Variants in GLI3 observed in about 807,000 individuals in gnomAD.
GLI3 encodes the protein transcription activator GLI3.
A neutral mutation model predicts 100.8 loss-of-function variants in GLI3; 20 were observed. That is an observed-to-expected ratio of 0.20 (90% CI 0.14 to 0.29). The LOEUF (loss-of-function observed/expected upper bound fraction) is 0.29. Ranked by LOEUF, GLI3 falls within the 10% of genes least tolerant of loss-of-function variation. The pLI, the probability that GLI3 is intolerant of heterozygous loss-of-function variation, is 1.00. For missense variants in GLI3, 2,040 were observed against 2,128.5 expected (o/e 0.96, Z 0.82); for synonymous variants, 938 against 860.5 (o/e 1.09, Z -1.58).
chr7:42,239,934 C>T (rs1788907087), upstream of GLI3, among the ~76,000 whole-genome samples: 1 of 152,150 alleles, frequency 6.6e-6, no homozygotes, highest in African/African-American at 2.4e-5. Flanking sequence ...AACACCAGAA[C>T]GCTTTCCAAA....
At chr7:42,189,154 C>A (rs1045191334) in intron 2 of GLI3, among the ~76,000 whole-genome samples, 1 of 152,038 alleles carries the variant, frequency 6.6e-6, no homozygotes, top group Admixed American at 6.5e-5. Flanking sequence ...GGACCCAGTA[C>A]CACTCTAAAA....
chr7:42,256,241 G>C (rs1789083596), intron 1 of GLI3, among the ~76,000 whole-genome samples: 1 of 151,474 alleles, frequency 6.6e-6, no homozygotes, highest in Non-Finnish European at 1.5e-5. Flanking sequence ...CTCCCAGTTT[G>C]CCTTGTCTTT....
rs368253718 is a variant in GLI3, at chr7:42,203,765, G to A, written c.124+19365C>T. On this transcript the variant is annotated intron_variant, in intron 2 of 14. Transcript: ENST00000395925. ...TGTAATCCCAGCAGTTTGGGAGGCC[G>A]AGACAGGCAGATCATTTGAGACCAG... 1.7e-4 allele frequency among the ~76,000 whole-genome samples: 26 copies of A among 152,200 alleles called. No individual in the cohort carries two copies. In the South Asian group the frequency reaches 3.7e-3, roughly 22 times the overall value.
intron 3 of GLI3, among the ~76,000 whole-genome samples, chr7:42,094,550 A>C (rs1392864658): frequency 6.6e-6 from 1 of 152,028 alleles, no homozygotes; most frequent in Non-Finnish European, 1.5e-5. Flanking sequence ...AGCCTGGCCA[A>C]CATGTCGAAA....
At chr7:42,090,916 A>G (rs1044038612) in intron 3 of GLI3, among the ~76,000 whole-genome samples, 1 of 152,240 alleles carries the variant, frequency 6.6e-6, no homozygotes, top group Non-Finnish European at 1.5e-5. Flanking sequence ...AAATAGGGAT[A>G]GAGAAGGTAA....
chr7:42,103,521 A>G (rs886231991), intron 3 of GLI3, among the ~76,000 whole-genome samples: 5 of 152,200 alleles, frequency 3.3e-5, no homozygotes, highest in Non-Finnish European at 7.3e-5. Flanking sequence ...CAAGTTCTGA[A>G]AGCAGCTCAC....
chr7:42,076,823 A>C lies in GLI3; in HGVS notation c.402T>G (p.Pro134=). 6.2e-7 allele frequency: 1 copy of C among 1,613,294 alleles called. No homozygotes were observed. The highest frequency in any genetic ancestry group is 1.3e-5 in the African/African-American group (1 of 75,034). Residue 134 remains proline (P), a synonymous_variant, in exon 4 of 15, where the codon CCT becomes CCG. Transcript: ENST00000395925. ...CATGATGTCTGGCATCAATTGGTAC[A>C]GGAGGATGGAAGGCAGGGAAAAGAT... The part of the protein sequence containing the change: ...PPHLFPAFHP[P]VPIDARHHEG...
chr7:42,160,377 C>T (rs1011407025), intron 2 of GLI3, among the ~76,000 whole-genome samples: 5 of 152,180 alleles, frequency 3.3e-5, no homozygotes, highest in Non-Finnish European at 7.3e-5. Flanking sequence ...TTTGCATATA[C>T]ATAATGAGAT....
rs115165958 is a variant in GLI3 at position 42,057,033 on chromosome 7, T to C, written c.474-8337A>G. On this transcript the variant is annotated intron_variant, in intron 4 of 14. Transcript: ENST00000395925. ...TTCTGAGTATAAAAGGACTTAATAT[T>C]CCATGAATGAAAAAGACAAGTGGTT... is the stretch of plus-strand genomic sequence containing the variant. Among the ~76,000 whole-genome samples the C allele has an allele frequency of 4.3e-3, 653 of 150,964 alleles. 5 individuals carry two copies. Among genetic ancestry groups the C allele is most frequent in the African/African-American group, 0.015 (602 of 41,220 alleles).
chr7:42,090,964 G>A (rs1283820101), intron 3 of GLI3, among the ~76,000 whole-genome samples: 1 of 152,234 alleles, frequency 6.6e-6, no homozygotes, highest in African/African-American at 2.4e-5. Flanking sequence ...GACAAAGCTT[G>A]GCCTCAAGTC....
intron 4 of GLI3, among the ~76,000 whole-genome samples, chr7:42,054,383 G>A (rs1381078138): frequency 2.6e-5 from 4 of 152,096 alleles, no homozygotes; most frequent in African/African-American, 7.2e-5. Context: ...CCCATTATGA[G>A]AGCATTAAAC....
intron 3 of GLI3, among the ~76,000 whole-genome samples, chr7:42,141,886 G>A (rs1786576540): frequency 6.6e-6 from 1 of 152,042 alleles, no homozygotes; most frequent in Non-Finnish European, 1.5e-5. Context: ...TGGGTCACCT[G>A]GAATTCCACC....
chr7:42,061,237 T>C (rs925625660), intron 4 of GLI3, among the ~76,000 whole-genome samples: 5 of 152,192 alleles, frequency 3.3e-5, no homozygotes, highest in Non-Finnish European at 5.9e-5. Flanking sequence ...GCACCTAGAA[T>C]TCTGAGCCAA....
intron 4 of GLI3, among the ~76,000 whole-genome samples, chr7:42,053,804 A>C (rs1784399114): frequency 6.6e-6 from 1 of 152,220 alleles, no homozygotes; most frequent in Non-Finnish European, 1.5e-5. Context: ...AAGAACAGAC[A>C]TTCCATGCTA....
chr7:42,040,071 C>G lies in GLI3; in HGVS notation c.995G>C (p.Gly332Ala). ...ACTTGCAGATAAGTGACCATAGGAG[C>G]CACTTGCTGAAGAGCTGCTACGGGA... The part of the protein sequence containing the change: ...NNSRSSSSAS[G>A]SYGHLSASAI... Residue 332 changes from glycine (G) to alanine (A), a missense_variant, in exon 7 of 15, where the codon GGC (glycine) becomes GCC (alanine). Gly to Ala is a moderately conservative substitution (Grantham distance 60). Around this residue, in one of 5 missense-constraint regions of GLI3, gnomAD observed 603 missense variants for 690.9 expected, o/e 0.87. Coordinates refer to ENST00000395925, the MANE Select transcript of GLI3 (RefSeq NM_000168.6). 6.2e-7 allele frequency: 1 copy of G among 1,613,342 alleles called. No homozygotes were observed. Among genetic ancestry groups the G allele is most frequent in the Non-Finnish European group, 8.5e-7 (1 of 1,179,312 alleles).
In GLI3 at chr7:42,196,895, G is replaced by A. The variant is rs559741409; in HGVS notation, c.124+26235C>T. Among the ~76,000 whole-genome samples the A allele has an allele frequency of 9.8e-5, 15 of 152,314 alleles. No homozygotes were observed. The South Asian group carries it at 2.9e-3, about 29-fold the overall frequency. ...ACTTATGGAACAAAATGGTAAAGAA[G>A]CCATCAAGTAGTATTTCTCAACAGA... On this transcript the variant is annotated intron_variant, in intron 2 of 14. Coordinates refer to ENST00000395925, the MANE Select transcript of GLI3 (RefSeq NM_000168.6).
At position 41,963,436 on chromosome 7, in the gene GLI3, C is replaced by G. The variant is rs1218659927; in HGVS notation, c.*894G>C. ...ACTAATTCTACCCAATTGCTTCAAT[C>G]TACCATCTATCTAACTTCTTACCAG... On this transcript the variant is annotated 3_prime_UTR_variant, in exon 15 of 15. Coordinates refer to ENST00000395925, the MANE Select transcript of GLI3 (RefSeq NM_000168.6). The G allele has an allele frequency of 6.6e-6, 1 of 152,208 alleles. No homozygotes were observed. Among genetic ancestry groups the G allele is most frequent in the African/African-American group, 2.4e-5 (1 of 41,444 alleles). 9.4% of individuals were successfully genotyped at this position (152,208 alleles called of 1,614,324 possible).
intron 1 of GLI3, among the ~76,000 whole-genome samples, chr7:42,228,838 G>A (rs1254821254): frequency 6.6e-6 from 1 of 152,128 alleles, no homozygotes; most frequent in Non-Finnish European, 1.5e-5. Flanking sequence ...CAGACACATC[G>A]CCTCATTGTC....
upstream of GLI3, among the ~76,000 whole-genome samples, chr7:42,242,019 T>C (rs1227130309): frequency 1.3e-5 from 2 of 152,236 alleles, no homozygotes; most frequent in Non-Finnish European, 2.9e-5. Context: ...CAGTGTTTTC[T>C]TGAGGTCTCT....
Sources: gnomAD v4.1 joint callset for allele counts (sites outside exome capture counted in the v4.1 genomes callset) on GRCh38, gnomAD v4.1.1 for gene constraint, gnomAD v4.1.1 regional missense constraint, MANE v1.5 for transcripts, NCBI Gene and HGNC (gene_info 2026-07-23, HGNC 2026-07-21) for gene names.